ARHGEF18: variants seen among roughly 807,000 people sequenced by gnomAD.
ARHGEF18 encodes the protein Rho/Rac guanine nucleotide exchange factor 18.
ARHGEF18 carries 93 observed loss-of-function variants against 155.7 expected under a neutral mutation model. The ratio of observed to expected loss-of-function variants is 0.60; its 90% CI spans 0.50 to 0.71. ARHGEF18 has a LOEUF of 0.71. Among genes scored for constraint, ARHGEF18 ranks in the 30% least tolerant of loss-of-function variants. The probability of loss-of-function intolerance (pLI) is 0.00; values close to 1 mark genes in which losing one functional copy is unlikely to be tolerated. For missense variants in ARHGEF18, 1,593 were observed against 1,816.1 expected, an observed-to-expected ratio of 0.88 and a Z score of 2.23; for synonymous variants, 742 against 753.1, an observed-to-expected ratio of 0.99 and a Z score of 0.24.
chr19:7,435,026 A>G (rs1974178260), intron 10 of ARHGEF18, among the ~76,000 whole-genome samples: 1 of 152,102 alleles, frequency 6.6e-6, no homozygotes, highest in Admixed American at 6.6e-5. Flanking sequence ...ATGTGGCAAA[A>G]CCCCATCTCT....
At chr19:7,458,816 G>C in intron 19 of ARHGEF18, 126 bp downstream of exon 19, 1 of 1,106,222 alleles carries the variant, frequency 9.0e-7, no homozygotes, top group Non-Finnish European at 1.2e-6. Context: ...GACCCATGAC[G>C]CCATTCCAGC....
chr19:7,432,400 T>C (rs1974016602), intron 10 of ARHGEF18, among the ~76,000 whole-genome samples: 1 of 152,154 alleles, frequency 6.6e-6, no homozygotes, highest in African/African-American at 2.4e-5. Flanking sequence ...TCCCTAAATG[T>C]GAGAAAAGGA....
intron 10 of ARHGEF18, among the ~76,000 whole-genome samples, chr19:7,400,782 C>T (rs1194795368): frequency 6.6e-6 from 1 of 152,104 alleles, no homozygotes; most frequent in African/African-American, 2.4e-5. Flanking sequence ...CTGCAGAGAG[C>T]TGTGATTACA....
At chr19:7,476,943 C>T, downstream of ARHGEF18, 1 of 407,556 alleles carries the variant, frequency 2.5e-6, no homozygotes, top group East Asian at 3.6e-5. Context: ...CCCTCTTCCT[C>T]ATCTTGATTT....
At chr19:7,353,458 C>A (rs749585941) in intron 1 of ARHGEF18, among the ~76,000 whole-genome samples, 1 of 151,424 alleles carries the variant, frequency 6.6e-6, no homozygotes, top group Admixed American at 6.6e-5. Context: ...GGCATGGTAG[C>A]GGGCGCCTGT....
chr19:7,434,289 A>G (rs934450223), intron 10 of ARHGEF18, among the ~76,000 whole-genome samples: 5 of 152,092 alleles, frequency 3.3e-5, no homozygotes, highest in Non-Finnish European at 7.4e-5. Context: ...GTGCCTGGCC[A>G]GGGACTACTC....
In ARHGEF18 at chr19:7,451,268, T is replaced by A. The variant is rs756480991; in HGVS notation, c.1855+2T>A. 21 of 1,613,282 alleles carry A rather than the reference T, an allele frequency of 1.3e-5. No individual in the cohort carries two copies. Among genetic ancestry groups the A allele is most frequent in the Non-Finnish European group, 1.7e-5 (20 of 1,179,838 alleles). ...AGCGCATCATCCAGAACACGGAAGG[T>A]AGGCCTTCTCCCCACTGCCCCGCCC... is the stretch of plus-strand genomic sequence containing the variant. On this transcript the variant is annotated splice_donor_variant, in intron 16 of 28. Transcript: ENST00000668164. LOFTEE classifies it high-confidence loss of function.
At chr19:7,425,681 C>CAAA (rs1247648498) in intron 10 of ARHGEF18, among the ~76,000 whole-genome samples, 2 of 94,006 alleles carry the variant, frequency 2.1e-5, no homozygotes, top group African/African-American at 4.2e-5. Context: ...GACTCCGTCT[C>CAAA]AAAAAAAAAA....
chr19:7,476,266 C>T (rs957291723), downstream of ARHGEF18, among the ~76,000 whole-genome samples: 1 of 152,166 alleles, frequency 6.6e-6, no homozygotes, highest in Non-Finnish European at 1.5e-5. Context: ...AGGCTATGAT[C>T]GCACCACTGC....
At chr19:7,361,573 A>T (rs1568263794) in intron 1 of ARHGEF18, among the ~76,000 whole-genome samples, 1 of 152,234 alleles carries the variant, frequency 6.6e-6, no homozygotes, top group Non-Finnish European at 1.5e-5. Flanking sequence ...ATCTGTATGC[A>T]ATTGTTCATG....
At chr19:7,352,074 T>C (rs1011721428) in intron 1 of ARHGEF18, among the ~76,000 whole-genome samples, 1 of 152,138 alleles carries the variant, frequency 6.6e-6, no homozygotes, top group African/African-American at 2.4e-5. Context: ...TTTTTGGTCA[T>C]GAGGTTCTGT....
At position 7,380,928 on chromosome 19, in the gene ARHGEF18, G is replaced by C. The variant is rs1339262880; in HGVS notation, c.656G>C (p.Arg219Thr). The change falls in exon 8 of 29, where the codon AGG becomes ACG. Residue 219 changes from arginine to threonine, a missense_variant. Coordinates refer to ENST00000668164, the MANE Select transcript of ARHGEF18 (RefSeq NM_001367823.1). ...CTCTGATCCTGCAGGGCCCGGCAGA[G>C]GGCTTGCATGTCAGCCAGCCCCGGA... is the stretch of plus-strand genomic sequence containing the variant. ...ELRQYHGARQ[R>T]ACMSASPGGA... is the part of the protein sequence containing the mutation. 2.4e-6 allele frequency: 3 copies of C among 1,232,062 alleles called. No individual in the cohort carries two copies. The highest frequency in any genetic ancestry group is 3.0e-6 in the Non-Finnish European group (3 of 988,010). 76.3% of individuals were successfully genotyped at this position (1,232,062 alleles called of 1,614,324 possible). A position where few individuals can be genotyped will look rare whatever the true frequency, so the allele number is the denominator to read the frequency against.
At chr19:7,466,852 A>AAGAAGAAGG in intron 23 of ARHGEF18, 66 bp from the exon 24 acceptor site, 1 of 1,307,904 alleles carries the variant, frequency 7.6e-7, no homozygotes, top group Non-Finnish European at 1.1e-6. Flanking sequence ...GAAGAAGAAG[A>AAGAAGAAGG]AGGCTTGAGT....
intron 20 of ARHGEF18, 99 bp downstream of exon 20, chr19:7,460,093 C>T (rs998636452): frequency 6.7e-6 from 8 of 1,194,194 alleles, no homozygotes; most frequent in Middle Eastern, 2.4e-4. Flanking sequence ...CCAGGTGACC[C>T]GGTGTTTTCC....
chr19:7,356,468 T>A (rs1969311380), intron 1 of ARHGEF18, among the ~76,000 whole-genome samples: 1 of 151,908 alleles, frequency 6.6e-6, no homozygotes, highest in African/African-American at 2.4e-5. Flanking sequence ...GAGACGGGGT[T>A]TCACCATGTT....
chr19:7,440,185 C>G lies in ARHGEF18; in HGVS notation c.968-159C>G. 1 of 1,551,560 alleles carries G rather than the reference C, an allele frequency of 6.4e-7. No homozygotes were observed. The highest frequency in any genetic ancestry group is 8.7e-7 in the Non-Finnish European group (1 of 1,146,970). Reference sequence around the variant, plus strand: ...GAGCTGTCTTTTTACGGCTCTTTCCCCAGGAAATGGAGCGAGAACGTCTTC... The same window carrying G: ...GAGCTGTCTTTTTACGGCTCTTTCCGCAGGAAATGGAGCGAGAACGTCTTC... On this transcript the variant is annotated intron_variant, in intron 10 of 28. Transcript: ENST00000668164. The surrounding 1 kb of genome is among the most constrained non-coding windows in gnomAD (Gnocchi z 5.4).
In ARHGEF18 at chr19:7,365,657, C is replaced by T. The variant is rs573420545; in HGVS notation, c.15+2752C>T. Among the ~76,000 whole-genome samples, 6 of 152,330 alleles carry T rather than the reference C, an allele frequency of 3.9e-5. No homozygotes were observed. In the East Asian group the frequency reaches 7.7e-4, roughly 20 times the overall value. ...TAGGCAGCAAGGCTGTGCCCCCACCCGCTGGCAAATCTGCCCCCTCTTCCT... is the reference window on the plus strand; with the variant it reads ...TAGGCAGCAAGGCTGTGCCCCCACCTGCTGGCAAATCTGCCCCCTCTTCCT... On this transcript the variant is annotated intron_variant, in intron 2 of 28. Transcript: ENST00000668164.
intron 16 of ARHGEF18, among the ~76,000 whole-genome samples, chr19:7,452,918 A>C (rs1172813760): frequency 1.3e-5 from 2 of 151,836 alleles, no homozygotes; most frequent in African/African-American, 4.8e-5. Context: ...GCTCTGGGCC[A>C]GGCACAGTGG....
At chr19:7,399,544 C>T (rs1180554967) in intron 10 of ARHGEF18, among the ~76,000 whole-genome samples, 8 of 150,710 alleles carry the variant, frequency 5.3e-5, no homozygotes, top group Non-Finnish European at 1.2e-4. Flanking sequence ...TGCAGTGGCG[C>T]GATCTTGGCC....
Sources: gnomAD v4.1 joint callset for allele counts (sites outside exome capture counted in the v4.1 genomes callset) on GRCh38, gnomAD v4.1.1 for gene constraint, Gnocchi (gnomAD v3.1) non-coding constraint, MANE v1.5 for transcripts, NCBI Gene and HGNC (gene_info 2026-07-23, HGNC 2026-07-21) for gene names.